Variants in ZFYVE27 observed in about 807,000 individuals in gnomAD.
ZFYVE27 encodes the protein protrudin.
In ZFYVE27, 36 loss-of-function variants were observed where a neutral mutation model predicts 52.8. The observed-to-expected ratio is 0.68, with a 90% CI of 0.52 to 0.90. The LOEUF is 0.90. Ranked by LOEUF, ZFYVE27 falls within the 40% of genes least tolerant of loss-of-function variation. ZFYVE27 has a pLI of 0.00. For missense variants in ZFYVE27, 450 were observed against 527.2 expected, an observed-to-expected ratio of 0.85 and a Z score of 1.43; for synonymous variants, 223 against 215.6, an observed-to-expected ratio of 1.03 and a Z score of -0.30.
At chr10:97,753,848 A>G (rs1433125620) in intron 10 of ZFYVE27, among the ~76,000 whole-genome samples, 1 of 152,212 alleles carries the variant, frequency 6.6e-6, no homozygotes, top group Non-Finnish European at 1.5e-5. Context: ...TGGACGTGAT[A>G]GAGCCCTGAG....
intron 7 of ZFYVE27, among the ~76,000 whole-genome samples, chr10:97,750,796 A>G (rs925975641): frequency 1.3e-5 from 2 of 148,726 alleles, no homozygotes; most frequent in Non-Finnish European, 3.0e-5. Context: ...GCTAGAGGGC[A>G]GTGGGGCAAT....
Position 97,745,643 on chromosome 10 carries a change from G to A in ZFYVE27, c.455+728G>A, listed in dbSNP as rs541493551. ...AAGTTTCTCATCTGTTAAATGGAAT[G>A]ATAACAGGGCTTACTCAGAAGGTGG... On this transcript the variant is annotated intron_variant, in intron 4 of 12. Transcript: ENST00000684270. Among the ~76,000 whole-genome samples the A allele has an allele frequency of 9.8e-5, 15 of 152,358 alleles. 1 individual carries two copies. In the East Asian group the frequency reaches 2.7e-3, roughly 27 times the overall value.
intron 1 of ZFYVE27, among the ~76,000 whole-genome samples, chr10:97,738,226 ATCATT>A (rs1214527395): frequency 1.3e-5 from 2 of 152,232 alleles, no homozygotes; most frequent in Non-Finnish European, 1.5e-5. Flanking sequence ...GTTCCAGGAC[ATCATT>A]TCATTTCAGC....
rs577444215 is a variant in ZFYVE27 at position 97,745,182 on chromosome 10, C to T, written c.455+267C>T. Among the ~76,000 whole-genome samples, 5 of 148,386 alleles carry T rather than the reference C, an allele frequency of 3.4e-5. No individual in the cohort carries two copies. The East Asian group carries it at 9.8e-4, about 29-fold the overall frequency. On this transcript the variant is annotated intron_variant, in intron 4 of 12. Coordinates refer to ENST00000684270, the MANE Select transcript of ZFYVE27 (RefSeq NM_001385875.1). ...TTTTCACAGCTTCTGTTCTTTCTTT[C>T]TTTTTTTTTTTGAGACAGAGTTTCG...
chr10:97,749,400 T>C (rs2046332232), intron 5 of ZFYVE27, 74 bp from the exon 6 acceptor site: 1 of 1,092,628 alleles, frequency 9.2e-7, no homozygotes, highest in Admixed American at 1.7e-5. Flanking sequence ...TGGACCCTGC[T>C]GTGGGTGTGC....
intron 2 of ZFYVE27, 175 bp downstream of exon 2, chr10:97,738,849 C>A: frequency 2.9e-6 from 2 of 695,576 alleles, no homozygotes; most frequent in Non-Finnish European, 2.5e-6. Context: ...GTGTCTCAGG[C>A]CCAGCCCAGG....
intron 10 of ZFYVE27, chr10:97,754,785 G>A (rs1471191384): frequency 4.7e-6 from 6 of 1,289,290 alleles, no homozygotes; most frequent in Middle Eastern, 2.1e-4. Flanking sequence ...AGCAGTGCCC[G>A]GTAACACTAC....
intron 10 of ZFYVE27, among the ~76,000 whole-genome samples, chr10:97,756,185 A>AT (rs2048304798): frequency 6.6e-6 from 1 of 151,984 alleles, no homozygotes; most frequent in African/African-American, 2.4e-5. Context: ...CCTTCCCCAA[A>AT]TTCTTGGTGT....
At chr10:97,754,314 T>C (rs1216435998) in intron 10 of ZFYVE27, among the ~76,000 whole-genome samples, 3 of 17,554 alleles carry the variant, frequency 1.7e-4, no homozygotes, top group Non-Finnish European at 6.8e-4. Flanking sequence ...TCAAGATCCC[T>C]TTTTTTTTTT....
rs1343054722 is a variant in ZFYVE27, at chr10:97,750,323, C to T, written c.665-8C>T. ...TGCCTCCTACCTTGTTCTCCATTCCCTGGGTAGTTGTGTCTGAGTACAGGG... is the reference window on the plus strand; with the variant it reads ...TGCCTCCTACCTTGTTCTCCATTCCTTGGGTAGTTGTGTCTGAGTACAGGG... On this transcript the variant is annotated splice_region_variant and splice_polypyrimidine_tract_variant and intron_variant, in intron 6 of 12. Transcript: ENST00000684270. 1.2e-6 allele frequency: 2 copies of T among 1,613,900 alleles called. No individual in the cohort carries two copies. The highest frequency in any genetic ancestry group is 2.2e-5 in the South Asian group (2 of 91,052).
intron 12 of ZFYVE27, among the ~76,000 whole-genome samples, chr10:97,758,640 G>C (rs765481161): frequency 3.3e-5 from 5 of 152,006 alleles, no homozygotes; most frequent in African/African-American, 1.2e-4. Context: ...TTTTTCTTCC[G>C]ATGCAAGTAA....
chr10:97,746,659 C>A (rs2045514322), intron 4 of ZFYVE27, among the ~76,000 whole-genome samples: 1 of 150,890 alleles, frequency 6.6e-6, no homozygotes, highest in Admixed American at 6.6e-5. Flanking sequence ...AGTTCTTTTT[C>A]TTCTTTTATT....
chr10:97,748,515 T>C, intron 5 of ZFYVE27, 151 bp downstream of exon 5: 1 of 712,660 alleles, frequency 1.4e-6, no homozygotes, highest in African/African-American at 1.8e-5. Context: ...GCACATATGC[T>C]TGCGGGCTCT....
At position 97,744,712 on chromosome 10, in the gene ZFYVE27, T is replaced by G. The variant is rs773260085; in HGVS notation, c.269-17T>G. On this transcript the variant is annotated splice_polypyrimidine_tract_variant and intron_variant, in intron 3 of 12. Transcript: ENST00000684270. ...CTTTGCTTACCTGTGTTACCTGCAG[T>G]GTTTTTGATTCTGCAGGTGCATGGT... 6.2e-7 allele frequency: 1 copy of G among 1,612,768 alleles called. No individual in the cohort carries two copies. The highest frequency in any genetic ancestry group is 1.1e-5 in the South Asian group (1 of 90,850).
rs2045848724 is a variant in ZFYVE27, at chr10:97,747,725, T to C, written c.456-544T>C. Among the ~76,000 whole-genome samples, 5 of 152,302 alleles carry C rather than the reference T, an allele frequency of 3.3e-5. No individual in the cohort carries two copies. In the South Asian group the frequency reaches 6.2e-4, roughly 19 times the overall value. On this transcript the variant is annotated intron_variant, in intron 4 of 12. Coordinates refer to ENST00000684270, the MANE Select transcript of ZFYVE27 (RefSeq NM_001385875.1). ...CAACAGGATGGTCAAATTCATCTTA[T>C]ACTTCCCTGCCCCAGCCCTGGAATC...
intron 4 of ZFYVE27, among the ~76,000 whole-genome samples, chr10:97,746,070 A>G (rs140200972): frequency 0.011 from 1,509 of 137,228 alleles, 30 homozygotes; most frequent in African/African-American, 0.038. Context: ...TTTTTTTGAG[A>G]CAGAGTCTTG....
rs1399251782 is a variant in ZFYVE27 at position 97,759,162 on chromosome 10, GGT to G, written c.1172-72_1172-71del. ...GGGGTCTGTGTGGGGCATTTGGGAGGGTGCTTCTAGTAGTTGGGGCCATGAAC... is the reference window on the plus strand; with the variant it reads ...GGGGTCTGTGTGGGGCATTTGGGAGGGCTTCTAGTAGTTGGGGCCATGAAC... On this transcript the variant is annotated intron_variant, in intron 12 of 12. Coordinates refer to ENST00000684270, the MANE Select transcript of ZFYVE27 (RefSeq NM_001385875.1). 1.4e-5 allele frequency: 22 copies of G among 1,538,922 alleles called. No individual in the cohort carries two copies. In the East Asian group the frequency reaches 4.7e-4, roughly 33 times the overall value.
At chr10:97,747,823 T>TG (rs1564818320) in intron 4 of ZFYVE27, among the ~76,000 whole-genome samples, 2 of 152,180 alleles carry the variant, frequency 1.3e-5, no homozygotes, top group Non-Finnish European at 2.9e-5. Context: ...ATGGCTTCTG[T>TG]GGTTCATCCA....
intron 10 of ZFYVE27, chr10:97,754,926 T>C (rs1267960471): frequency 2.5e-6 from 2 of 808,534 alleles, no homozygotes; most frequent in Non-Finnish European, 3.0e-6. Context: ...CCAGAGACTT[T>C]GGCCTGGAAA....
Sources: allele counts gnomAD v4.1 joint callset (sites outside exome capture counted in the v4.1 genomes callset), GRCh38; gene constraint gnomAD v4.1.1; transcripts MANE v1.5; gene names NCBI Gene and HGNC (gene_info 2026-07-23, HGNC 2026-07-21).